Variants in CNTNAP3 observed in about 807,000 individuals in gnomAD.
The protein encoded by CNTNAP3 is contactin-associated protein-like 3.
A neutral mutation model predicts 92.1 loss-of-function variants in CNTNAP3; 36 were observed. The ratio of observed to expected loss-of-function variants is 0.39; its 90% confidence interval spans 0.30 to 0.52. The LOEUF (loss-of-function observed/expected upper bound fraction) is 0.52, where lower values mean the gene tolerates loss of function less well. Ranked by LOEUF, CNTNAP3 falls within the 20% of genes least tolerant of loss-of-function variation. The pLI is 0.76. For synonymous variants in CNTNAP3, 232 were observed against 422.3 expected, an observed-to-expected ratio of 0.55 and a Z score of 5.53; for missense variants, 534 against 1,069.6, an observed-to-expected ratio of 0.50 and a Z score of 6.98.
At chr9:39,088,763 G>C (rs1378506105) in intron 18 of CNTNAP3, 116 bp from the exon 19 acceptor site, 4 of 959,892 alleles carry the variant, frequency 4.2e-6, no homozygotes, top group Non-Finnish European at 6.3e-6. Context: ...TAAAGTAATA[G>C]TGAAATCCTT....
At chr9:39,082,197 A>T (rs1320990801) in intron 21 of CNTNAP3, among the ~76,000 whole-genome samples, 3 of 151,912 alleles carry the variant, frequency 2.0e-5, no homozygotes, top group Non-Finnish European at 2.9e-5. Context: ...ATTTATCTCA[A>T]GTGAGTCTGG....
At chr9:39,093,117 C>T (rs1826246351) in intron 18 of CNTNAP3, among the ~76,000 whole-genome samples, 3 of 128,198 alleles carry the variant, frequency 2.3e-5, no homozygotes, top group Admixed American at 2.3e-4. Flanking sequence ...AATTGTATGT[C>T]CTTAGACAGC....
chr9:39,113,185 A>G (rs1463739802), intron 14 of CNTNAP3, among the ~76,000 whole-genome samples: 1 of 152,094 alleles, frequency 6.6e-6, no homozygotes, highest in Non-Finnish European at 1.5e-5. Context: ...GTCTTCAGAC[A>G]ATGCCAAATG....
chr9:39,068,323 G>A lies in CNTNAP3; in HGVS notation c.*5567C>T, dbSNP rs921415885. On this transcript the variant is annotated 3_prime_UTR_variant, in exon 24 of 24. Coordinates refer to ENST00000297668, the MANE Select transcript of CNTNAP3 (RefSeq NM_033655.5). Reference sequence around the variant, plus strand: ...CCCAGCTACTCGGGAGGCTGAGGCAGGAGAATGGCATGAACCCTGGAGGCG... The same window carrying A: ...CCCAGCTACTCGGGAGGCTGAGGCAAGAGAATGGCATGAACCCTGGAGGCG... 6.6e-6 allele frequency among the ~76,000 whole-genome samples: 1 copy of A among 152,310 alleles called. No homozygotes were observed. Among genetic ancestry groups the A allele is most frequent in the Admixed American group, 6.5e-5 (1 of 15,292 alleles).
intron 3 of CNTNAP3, among the ~76,000 whole-genome samples, chr9:39,213,191 G>GAGAGA (rs561061095): frequency 0.047 from 249 of 5,318 alleles, 114 homozygotes; most frequent in African/African-American, 0.052. Flanking sequence ...GAAAGGAGAG[G>GAGAGA]AGAGAAGAGA....
At chr9:39,102,808 G>A in intron 16 of CNTNAP3, 93 bp from the exon 17 acceptor site, 8 of 1,200,506 alleles carry the variant, frequency 6.7e-6, no homozygotes, top group Middle Eastern at 2.8e-4. Context: ...CGCTCAGGAT[G>A]GAAGGAGATA....
At chr9:39,122,522 A>C (rs1363167276) in intron 13 of CNTNAP3, among the ~76,000 whole-genome samples, 2 of 152,252 alleles carry the variant, frequency 1.3e-5, no homozygotes, top group African/African-American at 2.4e-5. Flanking sequence ...GTCTCTGGGA[A>C]AACTCAAAAC....
At position 39,114,005 on chromosome 9, in the gene CNTNAP3, T is replaced by C. The variant is rs1385922858; in HGVS notation, c.2237+4098A>G. Among the ~76,000 whole-genome samples the C allele has an allele frequency of 2.8e-5, 4 of 143,214 alleles. No homozygotes were observed. In the South Asian group the frequency reaches 8.7e-4, roughly 31 times the overall value. The allele number at this position is 143,214 out of a possible 152,430, so 94.0% of individuals were successfully genotyped here. A position where few individuals can be genotyped will look rare whatever the true frequency, so the allele number is the denominator to read the frequency against. On this transcript the variant is annotated intron_variant, in intron 14 of 23. Coordinates refer to ENST00000297668, the MANE Select transcript of CNTNAP3 (RefSeq NM_033655.5). Reference sequence around the variant, plus strand: ...ACACATATATATACACACACACATATATATACACACATATATATACACACA... The same window carrying C: ...ACACATATATATACACACACACATACATATACACACATATATATACACACA...
At chr9:39,168,300 A>C (rs1018954989) in intron 8 of CNTNAP3, among the ~76,000 whole-genome samples, 3 of 150,966 alleles carry the variant, frequency 2.0e-5, no homozygotes, top group African/African-American at 7.3e-5. Flanking sequence ...TACAGGCGTG[A>C]GCCACCACAC....
chr9:39,123,426 T>C (rs1042473890), intron 13 of CNTNAP3, among the ~76,000 whole-genome samples: 8 of 152,144 alleles, frequency 5.3e-5, no homozygotes, highest in African/African-American at 9.6e-5. Flanking sequence ...GTGTAACCTA[T>C]GTAACCCATA....
chr9:39,121,764 G>T (rs532418114), intron 13 of CNTNAP3, among the ~76,000 whole-genome samples: 4 of 147,084 alleles, frequency 2.7e-5, no homozygotes, highest in Non-Finnish European at 4.6e-5. Flanking sequence ...AATAAAGATA[G>T]GAAAAAAAAT....
At chr9:39,115,783 G>A (rs1315574545) in intron 14 of CNTNAP3, among the ~76,000 whole-genome samples, 3 of 151,968 alleles carry the variant, frequency 2.0e-5, no homozygotes, top group Non-Finnish European at 4.4e-5. Flanking sequence ...CAGAGGACCT[G>A]CACCCACCTC....
At chr9:39,135,057 G>A (rs940628702) in intron 12 of CNTNAP3, among the ~76,000 whole-genome samples, 3 of 152,152 alleles carry the variant, frequency 2.0e-5, no homozygotes, top group Non-Finnish European at 2.9e-5. Flanking sequence ...TTTTTCTGAA[G>A]AGTAGAATAG....
At chr9:39,126,000 A>G (rs1323732173) in intron 13 of CNTNAP3, among the ~76,000 whole-genome samples, 1 of 152,206 alleles carries the variant, frequency 6.6e-6, no homozygotes, top group East Asian at 1.9e-4. Flanking sequence ...TGAATACTTT[A>G]GAATTCAATT....
intron 13 of CNTNAP3, among the ~76,000 whole-genome samples, chr9:39,127,259 C>G (rs929608724): frequency 1.3e-5 from 2 of 151,912 alleles, no homozygotes; most frequent in Non-Finnish European, 2.9e-5. Context: ...TACAACATAT[C>G]AAAATATGTG....
At chr9:39,143,184 T>A (rs1821617306) in intron 11 of CNTNAP3, among the ~76,000 whole-genome samples, 1 of 150,632 alleles carries the variant, frequency 6.6e-6, no homozygotes, top group Non-Finnish European at 1.5e-5. Context: ...GGGTGATTCT[T>A]CAGTAAAGAC....
intron 9 of CNTNAP3, among the ~76,000 whole-genome samples, chr9:39,152,250 TCTTTAA>T (rs201002066): frequency 0.028 from 3,638 of 130,306 alleles, 181 homozygotes; most frequent in Middle Eastern, 0.056. Flanking sequence ...AAGCTTTATC[TCTTTAA>T]CTTTAATATT....
At position 39,065,329 on chromosome 9, in the gene CNTNAP3, A is replaced by T. The variant is rs1825488435; in HGVS notation, c.*8561T>A. Among the ~76,000 whole-genome samples the T allele has an allele frequency of 6.6e-6, 1 of 152,302 alleles. No individual in the cohort carries two copies. Among genetic ancestry groups the T allele is most frequent in the African/African-American group, 2.4e-5 (1 of 41,486 alleles). On this transcript the variant is annotated 3_prime_UTR_variant, in exon 24 of 24. Coordinates refer to ENST00000297668, the MANE Select transcript of CNTNAP3 (RefSeq NM_033655.5). ...AGTAGTTTTGTCCATTTTATAGCTG[A>T]AGAGTATTTCATTATTAATACAACA... is the stretch of plus-strand genomic sequence containing the variant.
intron 3 of CNTNAP3, among the ~76,000 whole-genome samples, chr9:39,217,400 A>ATGTATATATATATT (rs1440827881): frequency 5.0e-5 from 1 of 19,904 alleles, no homozygotes; most frequent in African/African-American, 8.2e-5. Context: ...ATATATATAT[A>ATGTATATATATATT]TTCATTGTGG....
Sources: allele counts gnomAD v4.1 joint callset (sites outside exome capture counted in the v4.1 genomes callset), GRCh38; gene constraint gnomAD v4.1.1; transcripts MANE v1.5; gene names NCBI Gene and HGNC (gene_info 2026-07-23, HGNC 2026-07-21).